HMBOX1: variants seen among roughly 807,000 people sequenced by gnomAD.
HMBOX1 encodes homeobox-containing protein 1.
In HMBOX1, 14 loss-of-function variants were observed where a neutral mutation model predicts 54.5. That is an observed-to-expected ratio of 0.26 (90% CI 0.17 to 0.40). HMBOX1 has a LOEUF of 0.40. Ranked by LOEUF, HMBOX1 falls within the 10% of genes least tolerant of loss-of-function variation. The pLI is 1.00. For missense variants in HMBOX1, 332 were observed against 514.4 expected, an observed-to-expected ratio of 0.65 and a Z score of 3.43; for synonymous variants, 160 against 181.0, an observed-to-expected ratio of 0.88 and a Z score of 0.93.
At chr8:28,912,720 C>G (rs975098766) in intron 1 of HMBOX1, among the ~76,000 whole-genome samples, 2 of 152,104 alleles carry the variant, frequency 1.3e-5, no homozygotes, top group African/African-American at 4.8e-5. Flanking sequence ...AGCTCTGCTC[C>G]AGGCCCTATT....
chr8:28,935,239 G>T (rs899393907), intron 1 of HMBOX1, among the ~76,000 whole-genome samples: 1 of 152,074 alleles, frequency 6.6e-6, no homozygotes. Context: ...TCAAATCCCT[G>T]GGAGGCTTTT....
chr8:29,010,050 G>T (rs1834028636), intron 5 of HMBOX1: 1 of 984,666 alleles, frequency 1.0e-6, no homozygotes, highest in African/African-American at 1.7e-5. Context: ...ATGTATTTTT[G>T]TGTGTAAGTA....
intron 3 of HMBOX1, among the ~76,000 whole-genome samples, chr8:28,978,603 A>G (rs917566012): frequency 1.3e-4 from 20 of 152,198 alleles, no homozygotes; most frequent in African/African-American, 4.8e-4. Context: ...GCCAACCAAC[A>G]TGGTGAAACC....
At chr8:28,940,577 T>C (rs1042501934) in intron 1 of HMBOX1, among the ~76,000 whole-genome samples, 2 of 152,230 alleles carry the variant, frequency 1.3e-5, no homozygotes, top group Admixed American at 6.5e-5. Context: ...CTAAAATAGT[T>C]CCTGGAACAC....
At chr8:28,980,688 A>T (rs998599983) in intron 4 of HMBOX1, among the ~76,000 whole-genome samples, 5 of 151,968 alleles carry the variant, frequency 3.3e-5, no homozygotes, top group Non-Finnish European at 5.9e-5. Context: ...CCCCATCCCT[A>T]GTATGTGGTG....
chr8:28,975,914 G>A (rs1190937196), intron 3 of HMBOX1, among the ~76,000 whole-genome samples: 1 of 152,142 alleles, frequency 6.6e-6, no homozygotes, highest in East Asian at 1.9e-4. Flanking sequence ...ATTACAATGA[G>A]GACAATAGGA....
chr8:28,935,299 C>G (rs999010010), intron 1 of HMBOX1, among the ~76,000 whole-genome samples: 8 of 151,992 alleles, frequency 5.3e-5, no homozygotes, highest in African/African-American at 9.7e-5. Flanking sequence ...TTCAGAATAC[C>G]TATAATAAGC....
chr8:28,982,926 T>G (rs937462064), intron 4 of HMBOX1, among the ~76,000 whole-genome samples: 1 of 152,124 alleles, frequency 6.6e-6, no homozygotes, highest in Admixed American at 6.5e-5. Flanking sequence ...GCCCAGCCTA[T>G]CTTCTACTTT....
At chr8:28,942,741 CTTAT>C (rs1358538642) in intron 1 of HMBOX1, among the ~76,000 whole-genome samples, 1 of 152,014 alleles carries the variant, frequency 6.6e-6, no homozygotes, top group Non-Finnish European at 1.5e-5. Flanking sequence ...TATACTATAA[CTTAT>C]TTATGTAGTC....
At chr8:28,985,353 T>C (rs907678747) in intron 4 of HMBOX1, among the ~76,000 whole-genome samples, 18 of 152,270 alleles carry the variant, frequency 1.2e-4, no homozygotes, top group South Asian at 4.1e-4. Flanking sequence ...TTCATAAGGA[T>C]TCAACTCACA....
At chr8:29,002,123 G>A (rs534000673) in intron 4 of HMBOX1, among the ~76,000 whole-genome samples, 1 of 152,282 alleles carries the variant, frequency 6.6e-6, no homozygotes, top group Admixed American at 6.5e-5. Flanking sequence ...GGTCTCATGA[G>A]GTTGCAGTCA....
intron 1 of HMBOX1, among the ~76,000 whole-genome samples, chr8:28,929,175 C>T (rs779391091): frequency 7.2e-5 from 11 of 152,100 alleles, no homozygotes; most frequent in Middle Eastern, 3.4e-3. Flanking sequence ...ATCTGAGAGG[C>T]GTGGTACAAA....
chr8:28,986,008 G>A (rs1430782985), intron 4 of HMBOX1, among the ~76,000 whole-genome samples: 1 of 152,160 alleles, frequency 6.6e-6, no homozygotes, highest in African/African-American at 2.4e-5. Flanking sequence ...AATGTTTAAT[G>A]ACATGTATCC....
chr8:28,920,940 T>C (rs565479435), intron 1 of HMBOX1, among the ~76,000 whole-genome samples: 1 of 152,356 alleles, frequency 6.6e-6, no homozygotes, highest in South Asian at 2.1e-4. Flanking sequence ...AGAAAACTTT[T>C]ATGGATTCCA....
At chr8:28,948,868 T>C (rs1052853022) in intron 1 of HMBOX1, among the ~76,000 whole-genome samples, 1 of 152,074 alleles carries the variant, frequency 6.6e-6, no homozygotes, top group Non-Finnish European at 1.5e-5. Flanking sequence ...ACTTCTGGGG[T>C]AAGGGAAATG....
chr8:29,041,079 G>C (rs1804737513), intron 6 of HMBOX1, among the ~76,000 whole-genome samples: 1 of 152,080 alleles, frequency 6.6e-6, no homozygotes, highest in South Asian at 2.1e-4. Context: ...ATATTGTACT[G>C]TCTCCCCCAA....
chr8:29,006,384 T>C (rs1289320277), intron 4 of HMBOX1, among the ~76,000 whole-genome samples: 1 of 152,190 alleles, frequency 6.6e-6, no homozygotes, highest in Non-Finnish European at 1.5e-5. Flanking sequence ...CTTTTGAACA[T>C]ACTTCTATTG....
At chr8:29,013,316 A>G (rs1425809947) in intron 5 of HMBOX1, among the ~76,000 whole-genome samples, 1 of 152,136 alleles carries the variant, frequency 6.6e-6, no homozygotes, top group Admixed American at 6.5e-5. Flanking sequence ...TTGTGTTTTT[A>G]GTAGAGATGG....
At chr8:29,037,229 T>A (rs1281520810) in intron 6 of HMBOX1, among the ~76,000 whole-genome samples, 2 of 152,176 alleles carry the variant, frequency 1.3e-5, no homozygotes, top group Non-Finnish European at 2.9e-5. Context: ...CTGTAAAAAA[T>A]ACATTAGTAA....
Sources: allele counts gnomAD v4.1 joint callset (sites outside exome capture counted in the v4.1 genomes callset), GRCh38; gene constraint gnomAD v4.1.1; transcripts MANE v1.5; gene names NCBI Gene and HGNC (gene_info 2026-07-23, HGNC 2026-07-21).